PTK2B: variants seen among roughly 807,000 people sequenced by gnomAD.
The protein encoded by PTK2B is protein tyrosine kinase 2 beta.
A neutral mutation model predicts 142.9 loss-of-function variants in PTK2B; 71 were observed. That is an observed-to-expected ratio of 0.50 (90% CI 0.41 to 0.61). The LOEUF is 0.61. Ranked by LOEUF, PTK2B falls within the 20% of genes least tolerant of loss-of-function variation. The pLI is 0.00. For missense variants in PTK2B, 1,105 were observed against 1,320.4 expected, an observed-to-expected ratio of 0.84 and a Z score of 2.53; for synonymous variants, 519 against 503.4, an observed-to-expected ratio of 1.03 and a Z score of -0.42.
intron 18 of PTK2B, among the ~76,000 whole-genome samples, chr8:27,438,520 G>A (rs991108404): frequency 7.9e-5 from 1 of 12,630 alleles, no homozygotes; most frequent in African/African-American, 8.7e-4. Flanking sequence ...CCCCATCAGA[G>A]TTAGCTGTGC....
intron 3 of PTK2B, among the ~76,000 whole-genome samples, chr8:27,314,399 C>A (rs1803048826): frequency 6.6e-6 from 1 of 152,208 alleles, no homozygotes; most frequent in Non-Finnish European, 1.5e-5. Flanking sequence ...GCCTGGGCAA[C>A]ATAGCAAAAC....
chr8:27,444,059 G>A (rs1811320005), intron 22 of PTK2B, 147 bp from the exon 23 acceptor site: 3 of 797,356 alleles, frequency 3.8e-6, no homozygotes, highest in African/African-American at 1.7e-5. Context: ...ATAAATGGAT[G>A]CAAAATGAGT....
chr8:27,391,377 G>A (rs142225792), intron 1 of PTK2B, among the ~76,000 whole-genome samples: 3,068 of 152,230 alleles, frequency 0.02, 48 homozygotes, highest in Admixed American at 0.031. Context: ...GATTACAGTC[G>A]TGAGCCACTG....
At chr8:27,453,036 C>T in intron 27 of PTK2B, 78 bp from the exon 28 acceptor site, 1 of 1,531,100 alleles carries the variant, frequency 6.5e-7, no homozygotes. Context: ...GGAAGGGGCT[C>T]ATTTGATGTC....
chr8:27,364,664 A>G (rs1284467922), intron 1 of PTK2B, among the ~76,000 whole-genome samples: 1 of 152,238 alleles, frequency 6.6e-6, no homozygotes, highest in East Asian at 1.9e-4. Context: ...GTCTACCTGC[A>G]TATGAGTGAT....
intron 1 of PTK2B, among the ~76,000 whole-genome samples, chr8:27,391,523 C>T (rs1807727155): frequency 6.6e-6 from 1 of 152,194 alleles, no homozygotes; most frequent in Admixed American, 6.5e-5. Context: ...CATTACCCTA[C>T]AATGTCTTCA....
In PTK2B at chr8:27,363,111, C is replaced by G. The variant is rs1805814765; in HGVS notation, c.-37-34437C>G. ...CCCACTGGCCCTGGGCAAATTCCCTCATTGGAGTAGGGACTAGGACAAGGG... is the reference window on the plus strand; with the variant it reads ...CCCACTGGCCCTGGGCAAATTCCCTGATTGGAGTAGGGACTAGGACAAGGG... On this transcript the variant is annotated intron_variant, in intron 1 of 30. Transcript: ENST00000346049. The surrounding 1 kb of genome is among the most constrained non-coding windows in gnomAD (Gnocchi z 4.3). Among the ~76,000 whole-genome samples, 1 of 152,122 alleles carries G rather than the reference C, an allele frequency of 6.6e-6. No homozygotes were observed. The highest frequency in any genetic ancestry group is 1.5e-5 in the Non-Finnish European group (1 of 68,042).
upstream of PTK2B, among the ~76,000 whole-genome samples, chr8:27,324,432 G>A (rs1230959880): frequency 6.6e-6 from 1 of 152,346 alleles, no homozygotes; most frequent in East Asian, 1.9e-4. Context: ...GATCTTCATC[G>A]GACCCAGAGT....
Position 27,458,469 on chromosome 8 carries a change from C to T in PTK2B, c.2990C>T (p.Ala997Val). Residue 997 changes from alanine (A) to valine (V), a missense_variant, in exon 31 of 31, where the codon GCC (alanine) becomes GTC (valine). Physicochemically the swap from Ala to Val is moderately conservative, Grantham distance 64. Transcript: ENST00000346049. ...AACCTGCTCGACGCTGTGGACCAGGCCAAGGTTCTGGCCAATCTGGCCCAC... is the reference window on the plus strand; with the variant it reads ...AACCTGCTCGACGCTGTGGACCAGGTCAAGGTTCTGGCCAATCTGGCCCAC... ...AKNLLDAVDQAKVLANLAHPP... is the reference protein window; with the variant it reads ...AKNLLDAVDQVKVLANLAHPP... 6.3e-7 allele frequency: 1 copy of T among 1,596,550 alleles called. No individual in the cohort carries two copies. Among genetic ancestry groups the T allele is most frequent in the Non-Finnish European group, 8.5e-7 (1 of 1,171,700 alleles).
chr8:27,441,878 G>C (rs1811177083), intron 21 of PTK2B, among the ~76,000 whole-genome samples: 2 of 151,878 alleles, frequency 1.3e-5, no homozygotes, highest in Non-Finnish European at 2.9e-5. Context: ...TCTCTCCTGG[G>C]CTGAGAGGTG....
At chr8:27,397,516 C>A in intron 1 of PTK2B, 32 bp from the exon 2 acceptor site, 1 of 1,557,980 alleles carries the variant, frequency 6.4e-7, no homozygotes, top group Non-Finnish European at 8.8e-7. Flanking sequence ...GTGTGGGGCT[C>A]TTTCAGGGCT....
At chr8:27,332,380 C>G (rs1803806819) in intron 1 of PTK2B, among the ~76,000 whole-genome samples, 1 of 152,212 alleles carries the variant, frequency 6.6e-6, no homozygotes, top group Admixed American at 6.5e-5. Context: ...AGGCATTGTC[C>G]CAGGAAAAGT....
At chr8:27,419,407 G>T (rs988874343) in intron 2 of PTK2B, among the ~76,000 whole-genome samples, 1 of 152,142 alleles carries the variant, frequency 6.6e-6, no homozygotes, top group African/African-American at 2.4e-5. Context: ...TGGGTTGTGG[G>T]ACATATATTA....
chr8:27,432,307 C>A lies in PTK2B; in HGVS notation c.933C>A (p.Leu311=). ...AGCAGATCAGGTCCATCAGGTGCCT[C>A]CCGCTGGAGGAGGGCCAGGCAGTAC... is the stretch of plus-strand genomic sequence containing the variant. The part of the protein sequence containing the change: ...EFKQIRSIRC[L]PLEEGQAVLQ... Residue 311 remains leucine (L), a synonymous_variant, in exon 10 of 31, where the codon CTC becomes CTA. Transcript: ENST00000346049. The A allele has an allele frequency of 6.2e-7, 1 of 1,614,104 alleles. No individual in the cohort carries two copies. The highest frequency in any genetic ancestry group is 8.5e-7 in the Non-Finnish European group (1 of 1,180,032).
chr8:27,442,088 C>A lies in PTK2B; in HGVS notation c.2040-787C>A, dbSNP rs556058734. Among the ~76,000 whole-genome samples the A allele has an allele frequency of 7.7e-4, 118 of 152,258 alleles. 1 individual carries two copies. Among genetic ancestry groups the A allele is most frequent in the Non-Finnish European group, 1.0e-4 (7 of 68,026 alleles). On this transcript the variant is annotated intron_variant, in intron 21 of 30. Coordinates refer to ENST00000346049, the MANE Select transcript of PTK2B (RefSeq NM_173176.3). ...AGGGATTTGATCAGTGTTTCCTAACCGTTCCAGGGAGGAAAGGCCCTTCTA... is the reference window on the plus strand; with the variant it reads ...AGGGATTTGATCAGTGTTTCCTAACAGTTCCAGGGAGGAAAGGCCCTTCTA...
At position 27,459,132 on chromosome 8, in the gene PTK2B, A is replaced by C. The variant is rs1282217974; in HGVS notation, c.*623A>C. The C allele has an allele frequency of 8.4e-6, 2 of 237,686 alleles. No homozygotes were observed. The highest frequency in any genetic ancestry group is 4.4e-5 in the African/African-American group (2 of 45,360). The allele number at this position is 237,686 out of a possible 1,614,324, so 14.7% of individuals were successfully genotyped here. On this transcript the variant is annotated 3_prime_UTR_variant, in exon 31 of 31. Transcript: ENST00000346049. ...TCCAGGCACAGGATGCTGTGTTGTC[A>C]ACAAACCAAGCATCAGGGGGAAGAA... is the stretch of plus-strand genomic sequence containing the variant.
Position 27,446,648 on chromosome 8 carries a change from A to G in PTK2B, c.2340+729A>G, listed in dbSNP as rs1449098261. Among the ~76,000 whole-genome samples the G allele has an allele frequency of 4.6e-5, 7 of 152,152 alleles. No individual in the cohort carries two copies. The East Asian group carries it at 7.7e-4, about 17-fold the overall frequency. On this transcript the variant is annotated intron_variant, in intron 24 of 30. Transcript: ENST00000346049. Reference sequence around the variant, plus strand: ...GTCAGTTGCCACGAACACTTGATCTATTTTACTAAACCAACTAAAACACTT... The same window carrying G: ...GTCAGTTGCCACGAACACTTGATCTGTTTTACTAAACCAACTAAAACACTT...
intron 3 of PTK2B, among the ~76,000 whole-genome samples, chr8:27,319,448 C>T (rs1243544834): frequency 6.7e-6 from 1 of 150,180 alleles, no homozygotes; most frequent in Non-Finnish European, 1.5e-5. Flanking sequence ...CGAGACTGTC[C>T]GGGCTAACAT....
At chr8:27,315,261 T>C (rs916402546) in intron 3 of PTK2B, among the ~76,000 whole-genome samples, 4 of 152,210 alleles carry the variant, frequency 2.6e-5, no homozygotes, top group African/African-American at 9.6e-5. Flanking sequence ...TACTCATCTC[T>C]CTTGTGGAAA....
Sources: allele counts gnomAD v4.1 joint callset (sites outside exome capture counted in the v4.1 genomes callset), GRCh38; gene constraint gnomAD v4.1.1; non-coding constraint Gnocchi (gnomAD v3.1); transcripts MANE v1.5; gene names NCBI Gene and HGNC (gene_info 2026-07-23, HGNC 2026-07-21).